The following CCDC85C variants were observed in gnomAD, a reference collection of about 807,000 sequenced individuals.
CCDC85C encodes the protein coiled-coil domain-containing protein 85C.
CCDC85C carries 18 observed loss-of-function variants against 38.3 expected under a neutral mutation model. That is an observed-to-expected ratio of 0.47 (90% CI 0.33 to 0.70). CCDC85C has a LOEUF of 0.70. Ranked by LOEUF, CCDC85C falls within the 30% of genes least tolerant of loss-of-function variation. The pLI is 0.03. For missense variants in CCDC85C, 566 were observed against 621.2 expected, an observed-to-expected ratio of 0.91 and a Z score of 0.94; for synonymous variants, 264 against 293.8, an observed-to-expected ratio of 0.90 and a Z score of 1.04.
In CCDC85C at chr14:99,501,613, A is replaced by G. The variant is rs1225179528; in HGVS notation, c.*13633T>C. 8.8e-6 allele frequency: 5 copies of G among 568,070 alleles called. No homozygotes were observed. The highest frequency in any genetic ancestry group is 3.3e-5 in the Admixed American group (1 of 30,196). 35.2% of individuals were successfully genotyped at this position (568,070 alleles called of 1,614,324 possible). On this transcript the variant is annotated 3_prime_UTR_variant, in exon 6 of 6. Coordinates refer to ENST00000380243, the MANE Select transcript of CCDC85C (RefSeq NM_001144995.2). The stretch of plus-strand genomic sequence containing the variant: ...GGGTTTCCTTCTGCCCTGCCGTGTC[A>G]TGGTGTTGTGAGGTGCTGAAATTTT...
At chr14:99,561,890 C>T (rs959834301) in intron 1 of CCDC85C, among the ~76,000 whole-genome samples, 7 of 152,182 alleles carry the variant, frequency 4.6e-5, no homozygotes, top group African/African-American at 1.7e-4. Flanking sequence ...AAACTCCACT[C>T]AGTAGGGAAT....
intron 1 of CCDC85C, among the ~76,000 whole-genome samples, chr14:99,562,230 G>A (rs1334505521): frequency 1.3e-5 from 2 of 152,116 alleles, no homozygotes; most frequent in East Asian, 3.9e-4. Flanking sequence ...CAAACCCCCT[G>A]GCTACCTGGG....
At chr14:99,579,823 G>GA (rs2139974171) in intron 1 of CCDC85C, among the ~76,000 whole-genome samples, 1 of 152,172 alleles carries the variant, frequency 6.6e-6, no homozygotes, top group East Asian at 1.9e-4. Flanking sequence ...GGGGATGGGG[G>GA]ATCCCATCTC....
At chr14:99,568,464 TC>T (rs544959767) in intron 1 of CCDC85C, among the ~76,000 whole-genome samples, 37 of 151,990 alleles carry the variant, frequency 2.4e-4, no homozygotes, top group Non-Finnish European at 4.7e-4. Context: ...TCAGGGCATA[TC>T]CCGCCTCCCC....
Position 99,514,263 on chromosome 14 carries a change from A to G in CCDC85C, c.*983T>C, listed in dbSNP as rs1897184895. 6.6e-6 allele frequency: 1 copy of G among 152,548 alleles called. No individual in the cohort carries two copies. The highest frequency in any genetic ancestry group is 1.5e-5 in the Non-Finnish European group (1 of 68,288). 9.4% of individuals were successfully genotyped at this position (152,548 alleles called of 1,614,324 possible). On this transcript the variant is annotated 3_prime_UTR_variant, in exon 6 of 6. Transcript: ENST00000380243. ...AGGTCACACCACAAACTAAAGGCAG[A>G]ACCTGGCCAGACACGCTCCTTCCCA...
At position 99,502,417 on chromosome 14, in the gene CCDC85C, T is replaced by G; in HGVS notation, c.*12829A>C. On this transcript the variant is annotated 3_prime_UTR_variant, in exon 6 of 6. Transcript: ENST00000380243. Reference sequence around the variant, plus strand: ...AGCGTTCTCGTGAGGGTGTTCCATGTTGAGATGATTCTTCCATGTGTACCC... The same window carrying G: ...AGCGTTCTCGTGAGGGTGTTCCATGGTGAGATGATTCTTCCATGTGTACCC... 6.3e-7 allele frequency: 1 copy of G among 1,597,548 alleles called. No individual in the cohort carries two copies. Among genetic ancestry groups the G allele is most frequent in the Non-Finnish European group, 8.5e-7 (1 of 1,171,208 alleles).
intron 3 of CCDC85C, among the ~76,000 whole-genome samples, 182 bp downstream of exon 3, chr14:99,521,951 G>T (rs950582750): frequency 3.3e-5 from 5 of 152,258 alleles, no homozygotes; most frequent in African/African-American, 7.2e-5. Context: ...ACCTCCAGCA[G>T]TGTCAACCCA....
intron 1 of CCDC85C, among the ~76,000 whole-genome samples, chr14:99,580,596 G>A (rs1486555453): frequency 6.6e-6 from 1 of 152,052 alleles, no homozygotes; most frequent in Non-Finnish European, 1.5e-5. Context: ...CGGGCATGGT[G>A]GCTCACGTCT....
chr14:99,577,038 G>A (rs1898492387), intron 1 of CCDC85C, among the ~76,000 whole-genome samples: 1 of 152,012 alleles, frequency 6.6e-6, no homozygotes, highest in South Asian at 2.1e-4. Flanking sequence ...CTGGCTGGAG[G>A]CCTGGGGAGT....
intron 1 of CCDC85C, among the ~76,000 whole-genome samples, chr14:99,553,981 T>C (rs563824035): frequency 1.3e-5 from 2 of 152,284 alleles, no homozygotes; most frequent in African/African-American, 4.8e-5. Context: ...TTCTGCACTC[T>C]GGGAGAGTGC....
At chr14:99,602,770 T>C (rs1435983801) in intron 1 of CCDC85C, among the ~76,000 whole-genome samples, 2 of 152,070 alleles carry the variant, frequency 1.3e-5, no homozygotes, top group Non-Finnish European at 2.9e-5. Flanking sequence ...AGAGGGGAAA[T>C]TCACTTGCGC....
intron 1 of CCDC85C, among the ~76,000 whole-genome samples, chr14:99,599,728 A>G (rs1323285433): frequency 1.3e-5 from 2 of 152,138 alleles, no homozygotes; most frequent in Admixed American, 1.3e-4. Context: ...AGTCTCTACA[A>G]AAAATTCAAA....
chr14:99,599,821 G>A (rs1422336062), intron 1 of CCDC85C, among the ~76,000 whole-genome samples: 1 of 152,224 alleles, frequency 6.6e-6, no homozygotes, highest in African/African-American at 2.4e-5. Flanking sequence ...GTTGCCGCGA[G>A]CCATGATGGT....
intron 2 of CCDC85C, among the ~76,000 whole-genome samples, chr14:99,528,254 C>T (rs1255439646): frequency 6.6e-6 from 1 of 152,194 alleles, no homozygotes; most frequent in African/African-American, 2.4e-5. Context: ...AGGGGCGGGG[C>T]AGCTAGAAGG....
In CCDC85C at chr14:99,572,487, C is replaced by T. The variant is rs1898372472; in HGVS notation, c.793+30680G>A. Among the ~76,000 whole-genome samples, 1 of 152,024 alleles carries T rather than the reference C, an allele frequency of 6.6e-6. No individual in the cohort carries two copies. The highest frequency in any genetic ancestry group is 6.6e-5 in the Admixed American group (1 of 15,262). The stretch of plus-strand genomic sequence containing the variant: ...GTATAAATGATCAGGTATCACACCT[C>T]CGCCAGGCTTTAGATAAAATCCCAA... On this transcript the variant is annotated intron_variant, in intron 1 of 5. Coordinates refer to ENST00000380243, the MANE Select transcript of CCDC85C (RefSeq NM_001144995.2). The surrounding 1 kb of genome is among the most constrained non-coding windows in gnomAD (Gnocchi z 4.4).
At chr14:99,530,995 T>C (rs528022888) in intron 2 of CCDC85C, among the ~76,000 whole-genome samples, 3 of 152,362 alleles carry the variant, frequency 2.0e-5, no homozygotes, top group East Asian at 3.9e-4. Flanking sequence ...AACTCTGTTA[T>C]GGCAGCCCTA....
In CCDC85C at chr14:99,503,355, T is replaced by G. The variant is rs1896889317; in HGVS notation, c.*11891A>C. On this transcript the variant is annotated 3_prime_UTR_variant, in exon 6 of 6. Transcript: ENST00000380243. ...CCTGCACCCAAGTGGTCCTGAAACT[T>G]AGTGTTTACTCAGAACTCACCATTC... 1.7e-6 allele frequency: 1 copy of G among 602,172 alleles called. No individual in the cohort carries two copies. The highest frequency in any genetic ancestry group is 1.9e-5 in the African/African-American group (1 of 53,836). The allele number at this position is 602,172 out of a possible 1,614,324, so 37.3% of individuals were successfully genotyped here.
At chr14:99,573,169 C>T (rs368422644) in intron 1 of CCDC85C, among the ~76,000 whole-genome samples, 4 of 152,212 alleles carry the variant, frequency 2.6e-5, no homozygotes, top group African/African-American at 7.2e-5. Flanking sequence ...GGAGTCCCCG[C>T]GGGACCTGCT....
In CCDC85C at chr14:99,603,496, C is replaced by G; in HGVS notation, c.464G>C (p.Arg155Pro). The G allele has an allele frequency of 7.6e-7, 1 of 1,312,124 alleles. No individual in the cohort carries two copies. The allele number at this position is 1,312,124 out of a possible 1,614,324, so 81.3% of individuals were successfully genotyped here. Reference sequence around the variant, plus strand: ...GGCCCCCGTCGCCGCCAGTGCCGCGCGCTCCTCGTCCAGCAGCAGCACCAG... The same window carrying G: ...GGCCCCCGTCGCCGCCAGTGCCGCGGGCTCCTCGTCCAGCAGCAGCACCAG... Reference protein sequence around the residue: ...KELVLLLDEERAALAATGAAS... With the variant: ...KELVLLLDEEPAALAATGAAS... The change falls in exon 1 of 6, where the codon CGC becomes CCC. Residue 155 changes from arginine (R) to proline (P), a missense_variant. This residue lies in a region of CCDC85C where 269 missense variants were observed against 308.2 expected (regional missense o/e 0.87). Transcript: ENST00000380243. The surrounding 1 kb of genome is among the most constrained non-coding windows in gnomAD (Gnocchi z 7.5).
Sources: gnomAD v4.1 joint callset for allele counts (sites outside exome capture counted in the v4.1 genomes callset) on GRCh38, gnomAD v4.1.1 for gene constraint, gnomAD v4.1.1 regional missense constraint, Gnocchi (gnomAD v3.1) non-coding constraint, MANE v1.5 for transcripts, NCBI Gene and HGNC (gene_info 2026-07-23, HGNC 2026-07-21) for gene names.